PTPRJ: variants seen among roughly 807,000 people sequenced by gnomAD.
PTPRJ encodes the protein protein tyrosine phosphatase receptor type J.
PTPRJ carries 129 observed loss-of-function variants against 141.3 expected under a neutral mutation model. The ratio of observed to expected loss-of-function variants is 0.91; its 90% CI spans 0.79 to 1.06. PTPRJ has a LOEUF of 1.06. Among genes scored for constraint, PTPRJ ranks in the 50% least tolerant of loss-of-function variants. The pLI, the probability that PTPRJ is intolerant of heterozygous loss-of-function variation, is 0.00. For missense variants in PTPRJ, 1,601 were observed against 1,679.7 expected (o/e 0.95, Z 0.82); for synonymous variants, 610 against 640.5 (o/e 0.95, Z 0.72).
At chr11:47,995,291 T>C (rs1315449187) in intron 1 of PTPRJ, among the ~76,000 whole-genome samples, 1 of 152,196 alleles carries the variant, frequency 6.6e-6, no homozygotes, top group Non-Finnish European at 1.5e-5. Flanking sequence ...ACATATTAAC[T>C]CATTTAATCC....
At chr11:48,101,530 G>T (rs543897695) in intron 1 of PTPRJ, among the ~76,000 whole-genome samples, 1 of 152,190 alleles carries the variant, frequency 6.6e-6, no homozygotes, top group Non-Finnish European at 1.5e-5. Context: ...ACAGAGACCC[G>T]ATTAGCATTT....
intron 1 of PTPRJ, among the ~76,000 whole-genome samples, chr11:47,986,588 C>T (rs189195153): frequency 3.3e-5 from 5 of 152,304 alleles, no homozygotes; most frequent in Admixed American, 2.6e-4. Flanking sequence ...GTGATCTCCA[C>T]TTACTGCAAC....
intron 1 of PTPRJ, among the ~76,000 whole-genome samples, chr11:48,044,073 T>A (rs1854332769): frequency 6.6e-6 from 1 of 152,168 alleles, no homozygotes; most frequent in Non-Finnish European, 1.5e-5. Flanking sequence ...CTCTGGGCAT[T>A]TTTCCTCCTG....
intron 3 of PTPRJ, among the ~76,000 whole-genome samples, chr11:48,117,540 CAA>C (rs71045545): frequency 4.6e-4 from 9 of 19,696 alleles, no homozygotes; most frequent in African/African-American, 9.6e-4. Flanking sequence ...GATTCTGTCT[CAA>C]AAAAAAAAAA....
chr11:48,122,946 G>A (rs1203267226), intron 4 of PTPRJ, among the ~76,000 whole-genome samples: 2 of 152,164 alleles, frequency 1.3e-5, no homozygotes, highest in South Asian at 2.1e-4. Context: ...AGGAGTGTGT[G>A]TTCTTGAGCA....
At chr11:48,157,799 C>T (rs1857649159) in intron 21 of PTPRJ, among the ~76,000 whole-genome samples, 1 of 152,066 alleles carries the variant, frequency 6.6e-6, no homozygotes, top group Non-Finnish European at 1.5e-5. Flanking sequence ...AGGGTGGGCT[C>T]CTTACCCTCT....
rs772295406 is a variant in PTPRJ, at chr11:48,123,694, C to T, written c.698C>T (p.Thr233Ile). ...AALSWSNGNGTASCRVLLESI... is the reference protein window; with the variant it reads ...AALSWSNGNGIASCRVLLESI... ...CTCTCCTGGAGCAATGGCAATGGCA[C>T]TGCCTCCTGCCGGGTTCTTCTTGAA... The change falls in exon 5 of 25, where the codon ACT (threonine) becomes ATT (isoleucine). Residue 233 changes from threonine (T) to isoleucine (I), a missense_variant. Physicochemically the swap from Thr to Ile is moderately conservative, Grantham distance 89. Transcript: ENST00000418331. 1.9e-6 allele frequency: 3 copies of T among 1,614,054 alleles called. No individual in the cohort carries two copies. Among genetic ancestry groups the T allele is most frequent in the Non-Finnish European group, 8.5e-7 (1 of 1,180,022 alleles).
chr11:48,015,020 A>G (rs1214434867), intron 1 of PTPRJ, among the ~76,000 whole-genome samples: 1 of 152,030 alleles, frequency 6.6e-6, no homozygotes, highest in African/African-American at 2.4e-5. Context: ...GGACCATTTT[A>G]AAGATTAGGT....
intron 10 of PTPRJ, among the ~76,000 whole-genome samples, chr11:48,138,165 T>C (rs952426780): frequency 2.0e-5 from 3 of 152,170 alleles, no homozygotes; most frequent in African/African-American, 4.8e-5. Flanking sequence ...TCCCTGGTAG[T>C]ATAGGAGCTC....
chr11:48,096,387 T>C (rs1359745070), intron 1 of PTPRJ, among the ~76,000 whole-genome samples: 1 of 152,170 alleles, frequency 6.6e-6, no homozygotes, highest in Non-Finnish European at 1.5e-5. Context: ...GGATTGTTTT[T>C]AAGATTTGTT....
intron 1 of PTPRJ, among the ~76,000 whole-genome samples, chr11:48,026,892 C>T (rs73464810): frequency 0.011 from 1,653 of 150,566 alleles, 27 homozygotes; most frequent in African/African-American, 0.038. Flanking sequence ...CTGTGTCATT[C>T]TTAATGCCTT....
chr11:48,131,039 C>CACACACACACAG (rs1431710569), intron 8 of PTPRJ, among the ~76,000 whole-genome samples: 2 of 86,604 alleles, frequency 2.3e-5, no homozygotes, highest in Non-Finnish European at 4.6e-5. Context: ...AATACACACA[C>CACACACACACAG]ACACACACAC....
At chr11:48,128,152 C>T (rs1372684325) in intron 7 of PTPRJ, 109 bp downstream of exon 7, 13 of 1,359,636 alleles carry the variant, frequency 9.6e-6, no homozygotes, top group Non-Finnish European at 1.3e-5. Context: ...GACCACACGC[C>T]AAGCTTCGTG....
intron 1 of PTPRJ, among the ~76,000 whole-genome samples, chr11:48,055,007 G>A (rs1854716787): frequency 6.6e-6 from 1 of 151,864 alleles, no homozygotes; most frequent in Non-Finnish European, 1.5e-5. Flanking sequence ...CAAACATGGT[G>A]AAACCCTGTC....
intron 22 of PTPRJ, among the ~76,000 whole-genome samples, chr11:48,160,315 C>T (rs1052777037): frequency 6.6e-6 from 1 of 152,192 alleles, no homozygotes; most frequent in Non-Finnish European, 1.5e-5. Flanking sequence ...ATCAGGAACT[C>T]TTTCCTTTCT....
chr11:48,032,284 A>G (rs149027656), intron 1 of PTPRJ, among the ~76,000 whole-genome samples: 2 of 152,336 alleles, frequency 1.3e-5, no homozygotes, highest in Non-Finnish European at 2.9e-5. Context: ...ATGAAACACA[A>G]CATCAATGGG....
rs545361557 is a variant in PTPRJ at position 48,145,473 on chromosome 11, G to A, written c.2911+349G>A. ...TCCTTAAATAGTAGAATCAGAGGAA[G>A]CCACATAAATTGTCTTGTTCAATCC... On this transcript the variant is annotated intron_variant, in intron 14 of 24. Coordinates refer to ENST00000418331, the MANE Select transcript of PTPRJ (RefSeq NM_002843.4). Among the ~76,000 whole-genome samples, 21 of 152,082 alleles carry A rather than the reference G, an allele frequency of 1.4e-4. 1 individual carries two copies. In the South Asian group the frequency reaches 3.5e-3, roughly 26 times the overall value.
At chr11:48,090,896 C>A (rs560800073) in intron 1 of PTPRJ, among the ~76,000 whole-genome samples, 1 of 152,270 alleles carries the variant, frequency 6.6e-6, no homozygotes, top group South Asian at 2.1e-4. Flanking sequence ...GGTGGTGCAT[C>A]TGCCTCATGA....
chr11:48,150,162 T>A lies in PTPRJ; in HGVS notation c.3117T>A (p.Cys1039Ter). Residue 1039 changes from cysteine to a stop codon, truncating the protein, a stop_gained, in exon 18 of 25, where the codon TGT (cysteine) becomes TGA (stop). Transcript: ENST00000418331. LOFTEE classifies it high-confidence loss of function. ...AGAAGCAGCAAGCTGACTCCAACTG[T>A]GGGTTCGCAGAGGAATACGAAGTAT... is the stretch of plus-strand genomic sequence containing the variant. ...YFKKQQADSN[C>*]GFAEEYEDLK... 1 of 1,614,030 alleles carries A rather than the reference T, an allele frequency of 6.2e-7. No homozygotes were observed. The highest frequency in any genetic ancestry group is 8.5e-7 in the Non-Finnish European group (1 of 1,179,908).
Sources: gnomAD v4.1 joint callset for allele counts (sites outside exome capture counted in the v4.1 genomes callset) on GRCh38, gnomAD v4.1.1 for gene constraint, MANE v1.5 for transcripts, NCBI Gene and HGNC (gene_info 2026-07-23, HGNC 2026-07-21) for gene names.